The following CIZ1 variants were observed in gnomAD, a reference collection of about 807,000 sequenced individuals.
CIZ1 encodes CDKN1A interacting zinc finger protein 1.
In CIZ1, 58 loss-of-function variants were observed where a neutral mutation model predicts 118.6. The observed-to-expected ratio is 0.49, with a 90% CI of 0.40 to 0.61. The LOEUF is 0.61. CIZ1 is among the 20% of genes least tolerant of loss of function. CIZ1 has a pLI of 0.00. For synonymous variants in CIZ1, 448 were observed against 443.4 expected (o/e 1.01, Z -0.13); for missense variants, 921 against 1,115.9 (o/e 0.83, Z 2.49).
chr9:128,166,400 T>C lies in CIZ1; in HGVS notation c.2494A>G (p.Lys832Glu). The change falls in exon 17 of 17, where the codon AAG becomes GAG. Residue 832 changes from lysine to glutamate, a missense_variant. By Grantham distance (56) the Lys-to-Glu change is moderately conservative. Coordinates refer to ENST00000372938, the MANE Select transcript of CIZ1 (RefSeq NM_001131016.2). The surrounding 1 kb of genome is among the most constrained non-coding windows in gnomAD (Gnocchi z 4.4). ...LGHFENLQKY[K>E]AAKNPSPTTR... is the part of the protein sequence containing the mutation. ...GTGGGGCTGGGGTTCTTGGCCGCCT[T>C]GTATTTCTGGATACAGAAGGTGCAG... 1 of 1,533,332 alleles carries C rather than the reference T, an allele frequency of 6.5e-7. No individual in the cohort carries two copies. Among genetic ancestry groups the C allele is most frequent in the Non-Finnish European group, 8.8e-7 (1 of 1,136,342 alleles). 95.0% of individuals were successfully genotyped at this position (1,533,332 alleles called of 1,614,324 possible).
intron 10 of CIZ1, 28 bp downstream of exon 10, chr9:128,177,536 CCT>C: frequency 8.9e-7 from 1 of 1,121,414 alleles, no homozygotes; most frequent in Non-Finnish European, 1.2e-6. Context: ...AGGCCCCACC[CCT>C]CCCCACCCTT....
At chr9:128,194,362 C>CAAA (rs757286334), upstream of CIZ1, among the ~76,000 whole-genome samples, 21 of 74,078 alleles carry the variant, frequency 2.8e-4, no homozygotes, top group African/African-American at 6.3e-4. Context: ...AACTCCATCT[C>CAAA]AAAAAAAAAA....
At position 128,190,403 on chromosome 9, in the gene CIZ1, AGATT is replaced by A; in HGVS notation, c.208_211del (p.Asn70SerfsTer99). On this transcript the variant is annotated frameshift_variant, in exon 3 of 17. Transcript: ENST00000372938. LOFTEE classifies it high-confidence loss of function. ...GAGGGAGGCTGAGTTGGTGCCCTGG[AGATT>A]CAGAAGCGGCTGCTGTGGCTGCTGC... 1 of 1,613,920 alleles carries A rather than the reference AGATT, an allele frequency of 6.2e-7. No individual in the cohort carries two copies. The highest frequency in any genetic ancestry group is 8.5e-7 in the Non-Finnish European group (1 of 1,179,884).
upstream of CIZ1, chr9:128,192,039 C>CT (rs1833211138): frequency 2.8e-6 from 2 of 719,422 alleles, no homozygotes; most frequent in Admixed American, 4.1e-5. Context: ...CCCTCCAAGT[C>CT]TTTTCTCAGT....
intron 11 of CIZ1, among the ~76,000 whole-genome samples, chr9:128,172,268 G>A (rs578030615): frequency 5.3e-5 from 8 of 152,174 alleles, no homozygotes; most frequent in Admixed American, 2.6e-4. Context: ...CAAGGCAGGC[G>A]GATCACTGAG....
rs772950146 is a variant in CIZ1 at position 128,166,800 on chromosome 9, G to A, written c.2446C>T (p.Leu816Phe). ...TGGCCCAGGGACTTGCAGTGGGAGA[G>A]CTGTGCCCCTGAGTTGCTGTGATAG... Reference protein sequence around the residue: ...KFYHSNSGAQLSHCKSLGHFE... With the variant: ...KFYHSNSGAQFSHCKSLGHFE... Residue 816 changes from leucine (L) to phenylalanine (F), a missense_variant, in exon 16 of 17, where the codon CTC (leucine) becomes TTC (phenylalanine). Physicochemically the swap from Leu to Phe is conservative, Grantham distance 22. Transcript: ENST00000372938. The surrounding 1 kb of genome is among the most constrained non-coding windows in gnomAD (Gnocchi z 4.4). 1 of 1,614,210 alleles carries A rather than the reference G, an allele frequency of 6.2e-7. No homozygotes were observed. Among genetic ancestry groups the A allele is most frequent in the South Asian group, 1.1e-5 (1 of 91,092 alleles).
intron 11 of CIZ1, among the ~76,000 whole-genome samples, chr9:128,170,714 A>G (rs2417115): frequency 0.89 from 135,526 of 152,304 alleles, 61,031 homozygotes; most frequent in Middle Eastern, 0.98. Context: ...TATACAACAA[A>G]TTATGTCAGA....
Position 128,180,511 on chromosome 9 carries a change from G to T in CIZ1, c.695C>A (p.Pro232Gln). ...CTTGGCGATGTCCTCTGGGCAGGGCGGTAAATCTTGGTCTGGAATGGAGGC... is the reference window on the plus strand; with the variant it reads ...CTTGGCGATGTCCTCTGGGCAGGGCTGTAAATCTTGGTCTGGAATGGAGGC... The part of the protein sequence containing the change: ...RMDTPEDQDL[P>Q]PCPEDIAKEK... The change falls in exon 7 of 17, where the codon CCG becomes CAG. Residue 232 changes from proline (P) to glutamine (Q), a missense_variant. Transcript: ENST00000372938. 1 of 1,613,760 alleles carries T rather than the reference G, an allele frequency of 6.2e-7. No homozygotes were observed. Among genetic ancestry groups the T allele is most frequent in the African/African-American group, 1.3e-5 (1 of 74,982 alleles).
rs1829460742 is a variant in CIZ1, at chr9:128,166,622, C to A, written c.2487+137G>T. The stretch of plus-strand genomic sequence containing the variant: ...GCCCAACCCCACCCCAGCTCTAATT[C>A]TCTCCCTGTTGGTGCAGGGGTGGTG... On this transcript the variant is annotated intron_variant, in intron 16 of 16. Coordinates refer to ENST00000372938, the MANE Select transcript of CIZ1 (RefSeq NM_001131016.2). This position sits in a 1 kb window ranked among gnomAD's most constrained non-coding sequence, Gnocchi z 4.4. 4 of 1,202,222 alleles carry A rather than the reference C, an allele frequency of 3.3e-6. No individual in the cohort carries two copies. The highest frequency in any genetic ancestry group is 4.8e-6 in the Non-Finnish European group (4 of 835,752). 74.5% of individuals were successfully genotyped at this position (1,202,222 alleles called of 1,614,324 possible).
chr9:128,192,121 C>T (rs1487355464), upstream of CIZ1, among the ~76,000 whole-genome samples: 1 of 152,080 alleles, frequency 6.6e-6, no homozygotes, highest in Non-Finnish European at 1.5e-5. Flanking sequence ...AGGGGCCGGG[C>T]GCTTCCGCCT....
chr9:128,180,621 A>G, intron 6 of CIZ1, 98 bp from the exon 7 acceptor site: 1 of 1,345,418 alleles, frequency 7.4e-7, no homozygotes, highest in Admixed American at 1.9e-5. Flanking sequence ...TCCCACCAAG[A>G]ACCCCTGCCT....
chr9:128,174,030 A>ACC (rs10638585), intron 11 of CIZ1, among the ~76,000 whole-genome samples: 8 of 149,586 alleles, frequency 5.3e-5, no homozygotes, highest in Non-Finnish European at 8.9e-5. Flanking sequence ...AAAACAAAAA[A>ACC]AAAAAACAAA....
chr9:128,167,127 C>T lies in CIZ1; in HGVS notation c.2333G>A (p.Gly778Asp), dbSNP rs199622355. 7 of 1,602,580 alleles carry T rather than the reference C, an allele frequency of 4.4e-6. No homozygotes were observed. Among genetic ancestry groups the T allele is most frequent in the East Asian group, 4.5e-5 (2 of 44,722 alleles). ...SRDISREEWK[G>D]SETYSPNTAY... ...AGTATTGGGGCTGTAGGTCTCCGAG[C>T]CCTTCCACTCCTCTCTGGATATATC... The change falls in exon 15 of 17, where the codon GGC (glycine) becomes GAC (aspartate). Residue 778 changes from glycine (G) to aspartate (D), a missense_variant. By Grantham distance (94) the Gly-to-Asp change is moderately conservative (BLOSUM62 -1). Transcript: ENST00000372938.
chr9:128,171,572 A>G (rs1830121629), intron 11 of CIZ1, among the ~76,000 whole-genome samples: 1 of 116,536 alleles, frequency 8.6e-6, no homozygotes, highest in Non-Finnish European at 1.6e-5. Context: ...CTAAGAATAC[A>G]AAAAAAAAAA....
Position 128,166,668 on chromosome 9 carries a change from A to G in CIZ1, c.2487+91T>C. 1 of 1,523,782 alleles carries G rather than the reference A, an allele frequency of 6.6e-7. No homozygotes were observed. Among genetic ancestry groups the G allele is most frequent in the Non-Finnish European group, 9.1e-7 (1 of 1,103,162 alleles). 94.4% of individuals were successfully genotyped at this position (1,523,782 alleles called of 1,614,324 possible). A position where few individuals can be genotyped will look rare whatever the true frequency, so the allele number is the denominator to read the frequency against. ...TGGTGCCTGGGGATTGAGGCCCTGC[A>G]CAAGAGGGAGTGGCCACTAGCCACC... On this transcript the variant is annotated intron_variant, in intron 16 of 16. Transcript: ENST00000372938. The surrounding 1 kb of genome is among the most constrained non-coding windows in gnomAD (Gnocchi z 4.4).
rs1250392293 is a variant in CIZ1 at position 128,177,694 on chromosome 9, C to T, written c.1690G>A (p.Val564Ile). 6.2e-7 allele frequency: 1 copy of T among 1,606,822 alleles called. No individual in the cohort carries two copies. The highest frequency in any genetic ancestry group is 8.5e-7 in the Non-Finnish European group (1 of 1,176,866). Residue 564 changes from valine to isoleucine, a missense_variant, in exon 10 of 17, where the codon GTA becomes ATA. By Grantham distance (29) the Val-to-Ile change is conservative (BLOSUM62 3). Transcript: ENST00000372938. ...GGGCGGGGGACAGGTGTCAGGGGTA[C>T]AGTGCTAAAGGCCCGGCTGTCACTG... ...QSSDSRAFST[V>I]PLTPVPRPSD...
chr9:128,173,306 G>A (rs757000297), intron 11 of CIZ1, among the ~76,000 whole-genome samples: 8 of 151,908 alleles, frequency 5.3e-5, no homozygotes, highest in East Asian at 1.9e-4. Context: ...CACCACGCCC[G>A]GCTAATTTTT....
chr9:128,167,204 C>G (rs1324586496), intron 14 of CIZ1, 40 bp from the exon 15 acceptor site: 5 of 1,476,984 alleles, frequency 3.4e-6, no homozygotes, highest in Non-Finnish European at 3.7e-6. Context: ...CTGGCTTCCC[C>G]TTGACACCTC....
upstream of CIZ1, among the ~76,000 whole-genome samples, chr9:128,193,035 A>G (rs1299528724): frequency 2.0e-5 from 3 of 152,198 alleles, no homozygotes; most frequent in East Asian, 5.8e-4. Context: ...CGCGTCCATA[A>G]ATCACTGCAG....
Sources: gnomAD v4.1 joint callset for allele counts (sites outside exome capture counted in the v4.1 genomes callset) on GRCh38, gnomAD v4.1.1 for gene constraint, Gnocchi (gnomAD v3.1) non-coding constraint, MANE v1.5 for transcripts, NCBI Gene and HGNC (gene_info 2026-07-23, HGNC 2026-07-21) for gene names.